ASB16: variants seen among roughly 807,000 people sequenced by gnomAD.
ASB16 encodes the protein ankyrin repeat and SOCS box protein 16.
ASB16 carries 44 observed loss-of-function variants against 39.1 expected under a neutral mutation model. The observed-to-expected ratio is 1.13, with a 90% CI of 0.88 to 1.45. The LOEUF is 1.45. ASB16 is among the 40% of genes most tolerant of loss of function. The probability of loss-of-function intolerance (pLI) is 0.00; values close to 1 mark genes in which losing one functional copy is unlikely to be tolerated. For missense variants in ASB16, 698 were observed against 634.5 expected, an observed-to-expected ratio of 1.10 and a Z score of -1.07; for synonymous variants, 305 against 286.7, an observed-to-expected ratio of 1.06 and a Z score of -0.64.
At chr17:44,175,972 A>AT (rs2054284345) in intron 2 of ASB16, 1 of 152,068 alleles carries the variant, frequency 6.6e-6, no homozygotes, top group African/African-American at 2.4e-5. Flanking sequence ...TATAACTTGT[A>AT]TTTATTTTTT....
chr17:44,172,349 ATG>A (rs10628218), intron 2 of ASB16, 36 bp downstream of exon 2: 28 of 1,569,392 alleles, frequency 1.8e-5, no homozygotes, highest in South Asian at 5.6e-5. Context: ...TTGGGGAGAA[ATG>A]TGTGTGTGTG....
At chr17:44,172,016 C>A (rs755720972) in intron 1 of ASB16, 30 bp from the exon 2 acceptor site, 1 of 1,597,200 alleles carries the variant, frequency 6.3e-7, no homozygotes, top group East Asian at 2.2e-5. Context: ...GTCTTATACA[C>A]CACCTCCCAA....
chr17:44,176,732 C>A lies in ASB16; in HGVS notation c.570-6C>A. ...TTTCCTCAGGACCTTGCTCTCTTGT[C>A]CCCAGGTGCGCCAAGTTGCTGCTGG... On this transcript the variant is annotated splice_region_variant and splice_polypyrimidine_tract_variant and intron_variant, in intron 2 of 4. Coordinates refer to ENST00000293414, the MANE Select transcript of ASB16 (RefSeq NM_080863.5). The A allele has an allele frequency of 6.2e-7, 1 of 1,613,952 alleles. No individual in the cohort carries two copies. Among genetic ancestry groups the A allele is most frequent in the Non-Finnish European group, 8.5e-7 (1 of 1,179,916 alleles).
intron 3 of ASB16, 101 bp from the exon 4 acceptor site, chr17:44,177,508 C>A: frequency 7.0e-7 from 1 of 1,422,434 alleles, no homozygotes; most frequent in Non-Finnish European, 9.6e-7. Flanking sequence ...CAGACCTTAG[C>A]CCCCCAGATT....
At chr17:44,177,746 T>C (rs778766270) in intron 4 of ASB16, 24 bp downstream of exon 4, 6 of 1,600,136 alleles carry the variant, frequency 3.7e-6, no homozygotes, top group Admixed American at 1.7e-5. Context: ...AGGGCCGAGA[T>C]GGGGAGGAGG....
Position 44,176,789 on chromosome 17 carries a change from CGA to C in ASB16, c.625_626del (p.Ser209ProfsTer50), listed in dbSNP as rs1567731968. 6.2e-7 allele frequency: 1 copy of C among 1,613,758 alleles called. No homozygotes were observed. Among genetic ancestry groups the C allele is most frequent in the Non-Finnish European group, 8.5e-7 (1 of 1,179,932 alleles). On this transcript the variant is annotated frameshift_variant, in exon 3 of 5. Transcript: ENST00000293414. LOFTEE classifies it high-confidence loss of function. ...GAGCGACGGTGAACCTGGCAGCAGG[CGA>C]GAGCCAGGAGACGCCCCTGCACGTG... ...AGATVNLAAGESQETPLHVAA... is the reference protein window; with the variant it reads ...AGATVNLAAGXSQETPLHVAA...
chr17:44,178,266 A>AGGTGAACCAG lies in ASB16; in HGVS notation c.1238_1239insGGTGAACCAG (p.His413GlnfsTer133), dbSNP rs1296390519. ...GTGAACCAGCCAAGGCAGCTGCAGCACCTGGCCCGACTAGCTGTGCGCGCT... is the reference window on the plus strand; with the variant it reads ...GTGAACCAGCCAAGGCAGCTGCAGCAGGTGAACCAGCCTGGCCCGACTAGCTGTGCGCGCT... On this transcript the variant is annotated frameshift_variant, in exon 5 of 5. Coordinates refer to ENST00000293414, the MANE Select transcript of ASB16 (RefSeq NM_080863.5). LOFTEE classifies it low-confidence loss of function (END_TRUNC). The AGGTGAACCAG allele has an allele frequency of 1.3e-5, 21 of 1,613,454 alleles. No homozygotes were observed. The highest frequency in any genetic ancestry group is 1.8e-5 in the Non-Finnish European group (21 of 1,179,966).
chr17:44,176,357 CAAA>C (rs367925638), intron 2 of ASB16: 11,366 of 189,388 alleles, frequency 0.06, 7 homozygotes, highest in South Asian at 0.13. Context: ...ACCCTGTCTC[CAAA>C]AAAAAAAAAA....
chr17:44,177,354 C>T (rs2054313398), intron 3 of ASB16, 124 bp downstream of exon 3: 1 of 1,345,092 alleles, frequency 7.4e-7, no homozygotes, highest in Non-Finnish European at 9.9e-7. Flanking sequence ...GGCCAGGGGG[C>T]TGTCCCCAGC....
In ASB16 at chr17:44,177,636, C is replaced by G; in HGVS notation, c.1090C>G (p.Arg364Gly). The change falls in exon 4 of 5, where the codon CGG becomes GGG. Residue 364 changes from arginine (R) to glycine (G), a missense_variant. Coordinates refer to ENST00000293414, the MANE Select transcript of ASB16 (RefSeq NM_080863.5). ...GCTGAAACACTGCGCCAACTTCCCT[C>G]GGGCCCTGGAAGTCCTGCTTAATGC... ...EMLKHCANFP[R>G]ALEVLLNAYP... The G allele has an allele frequency of 6.2e-7, 1 of 1,613,878 alleles. No homozygotes were observed. The highest frequency in any genetic ancestry group is 8.5e-7 in the Non-Finnish European group (1 of 1,179,848).
intron 1 of ASB16, among the ~76,000 whole-genome samples, chr17:44,171,308 G>A (rs768534578): frequency 9.9e-5 from 15 of 152,174 alleles, no homozygotes; most frequent in Non-Finnish European, 1.8e-4. Flanking sequence ...GCTCACGCCT[G>A]TAATCCCAGC....
intron 4 of ASB16, 150 bp downstream of exon 4, chr17:44,177,872 C>T: frequency 8.9e-7 from 1 of 1,127,742 alleles, no homozygotes; most frequent in South Asian, 1.6e-5. Context: ...ACCCCCTCCC[C>T]CGGTACCCCA....
intron 2 of ASB16, among the ~76,000 whole-genome samples, chr17:44,173,806 CCT>C (rs1271136481): frequency 6.6e-6 from 1 of 152,022 alleles, no homozygotes; most frequent in African/African-American, 2.4e-5. Flanking sequence ...AGGGCGGGAC[CCT>C]GTCTTAAAAA....
At position 44,176,741 on chromosome 17, in the gene ASB16, C is replaced by T. The variant is rs761589553; in HGVS notation, c.573C>T (p.Cys191=). 5.6e-6 allele frequency: 9 copies of T among 1,613,922 alleles called. No homozygotes were observed. The highest frequency in any genetic ancestry group is 1.7e-5 in the Admixed American group (1 of 60,004). Residue 191 remains cysteine, a synonymous_variant, in exon 3 of 5, where the codon TGC becomes TGT. Coordinates refer to ENST00000293414, the MANE Select transcript of ASB16 (RefSeq NM_080863.5). ...HLCTIPESLQ[C]AKLLLEAGAT... The stretch of plus-strand genomic sequence containing the variant: ...GACCTTGCTCTCTTGTCCCCAGGTG[C>T]GCCAAGTTGCTGCTGGAAGCAGGAG...
chr17:44,177,236 C>CT lies in ASB16; in HGVS notation c.1062+7dup, dbSNP rs1230543878. Reference sequence around the variant, plus strand: ...CGCAGCCAGTGCGCCCTGAGGTGCGCTGGGAGGCCCTGACATAGGAGGCTC... The same window carrying CT: ...CGCAGCCAGTGCGCCCTGAGGTGCGCTTGGGAGGCCCTGACATAGGAGGCTC... On this transcript the variant is annotated splice_region_variant and intron_variant, in intron 3 of 4. Transcript: ENST00000293414. The CT allele has an allele frequency of 6.5e-7, 1 of 1,530,670 alleles. No individual in the cohort carries two copies. The highest frequency in any genetic ancestry group is 8.8e-7 in the Non-Finnish European group (1 of 1,139,716). The allele number at this position is 1,530,670 out of a possible 1,614,324, so 94.8% of individuals were successfully genotyped here.
chr17:44,178,337 C>G lies in ASB16; in HGVS notation c.1309C>G (p.Pro437Ala). Residue 437 changes from proline (P) to alanine (A), a missense_variant, in exon 5 of 5, where the codon CCC becomes GCC. Pro to Ala is a conservative substitution (Grantham distance 27). Coordinates refer to ENST00000293414, the MANE Select transcript of ASB16 (RefSeq NM_080863.5). ...CRQGATRLPL[P>A]PLLRDYLLLR... ...GCAGGGTGCCACCCGGCTGCCACTG[C>G]CCCCGCTCCTCAGGGACTACCTGCT... is the stretch of plus-strand genomic sequence containing the variant. 1 of 1,611,390 alleles carries G rather than the reference C, an allele frequency of 6.2e-7. No individual in the cohort carries two copies. Among genetic ancestry groups the G allele is most frequent in the Non-Finnish European group, 8.5e-7 (1 of 1,179,034 alleles).
Position 44,171,002 on chromosome 17 carries a change from G to A in ASB16, c.213G>A (p.Gln71=), listed in dbSNP as rs2054238503. The A allele has an allele frequency of 2.5e-6, 4 of 1,614,054 alleles. No individual in the cohort carries two copies. The highest frequency in any genetic ancestry group is 2.7e-5 in the African/African-American group (2 of 75,060). ...VHQALFSGNL[Q]QVQALFQDEE... The stretch of plus-strand genomic sequence containing the variant: ...AAGCCCTCTTCTCCGGCAACCTGCA[G>A]CAGGTCCAAGCCCTGTTCCAAGATG... The change falls in exon 1 of 5, where the codon CAG becomes CAA. Residue 71 remains glutamine, a synonymous_variant. Transcript: ENST00000293414.
chr17:44,172,831 G>A (rs1598121682), intron 2 of ASB16, among the ~76,000 whole-genome samples: 1 of 151,632 alleles, frequency 6.6e-6, no homozygotes, highest in East Asian at 2.0e-4. Context: ...TGGCCAGGCT[G>A]GTCTTGAACT....
In ASB16 at chr17:44,170,915, G is replaced by C; in HGVS notation, c.126G>C (p.Pro42=). ...AAQQCRSRRC[P]SSPRARLTRP... ...AGCAGTGCCGGAGCCGCAGGTGCCC[G>C]TCAAGTCCCCGGGCCCGACTCACTA... Residue 42 remains proline, a synonymous_variant, in exon 1 of 5, where the codon CCG becomes CCC. Transcript: ENST00000293414. 6.2e-7 allele frequency: 1 copy of C among 1,612,616 alleles called. No homozygotes were observed.
Sources: allele counts gnomAD v4.1 joint callset (sites outside exome capture counted in the v4.1 genomes callset), GRCh38; gene constraint gnomAD v4.1.1; transcripts MANE v1.5; gene names NCBI Gene and HGNC (gene_info 2026-07-23, HGNC 2026-07-21).